MITF: variants seen among roughly 807,000 people sequenced by gnomAD.
MITF encodes the protein microphthalmia-associated transcription factor.
MITF carries 17 observed loss-of-function variants against 60.5 expected under a neutral mutation model. The observed-to-expected ratio is 0.28, with a 90% CI of 0.19 to 0.42. The LOEUF (loss-of-function observed/expected upper bound fraction) is 0.42. Ranked by LOEUF, MITF falls within the 10% of genes least tolerant of loss-of-function variation. The probability of loss-of-function intolerance (pLI) is 1.00; values close to 1 mark genes in which losing one functional copy is unlikely to be tolerated. For synonymous variants in MITF, 260 were observed against 248.5 expected (o/e 1.05, Z -0.43); for missense variants, 622 against 683.5 (o/e 0.91, Z 1.00).
intron 9 of MITF, among the ~76,000 whole-genome samples, 155 bp from the exon 10 acceptor site, chr3:69,964,692 C>T (rs1393086246): frequency 1.3e-5 from 1 of 75,640 alleles, no homozygotes; most frequent in African/African-American, 5.7e-5. Context: ...AAAGTCTATA[C>T]TTTACATTCC....
chr3:69,959,201 G>A (rs1458674538), intron 8 of MITF, 72 bp from the exon 9 acceptor site: 3 of 1,554,570 alleles, frequency 1.9e-6, no homozygotes, highest in Admixed American at 3.6e-5. Flanking sequence ...AAGAAATGGA[G>A]TGCTTTGAAT....
At chr3:69,831,979 G>A (rs919971950) in intron 1 of MITF, among the ~76,000 whole-genome samples, 2 of 152,142 alleles carry the variant, frequency 1.3e-5, no homozygotes, top group African/African-American at 4.8e-5. Context: ...CCAGTCTCCC[G>A]GAGCCGGTGC....
At chr3:69,848,825 C>A (rs554649845) in intron 1 of MITF, among the ~76,000 whole-genome samples, 46 of 152,176 alleles carry the variant, frequency 3.0e-4, no homozygotes, top group Non-Finnish European at 5.9e-4. Context: ...CTATAATTTT[C>A]CCCCCTTCTC....
intron 7 of MITF, among the ~76,000 whole-genome samples, chr3:69,954,530 C>G (rs914451918): frequency 6.6e-6 from 1 of 152,074 alleles, no homozygotes; most frequent in South Asian, 2.1e-4. Flanking sequence ...GTACAGTGTT[C>G]CAGGCAGGTG....
At chr3:69,767,753 A>G (rs1246074423) in intron 1 of MITF, among the ~76,000 whole-genome samples, 2 of 152,180 alleles carry the variant, frequency 1.3e-5, no homozygotes, top group Non-Finnish European at 1.5e-5. Flanking sequence ...GGCCAGCTTC[A>G]TACAGAGGAA....
At chr3:69,741,819 C>T (rs1212985516) in intron 1 of MITF, among the ~76,000 whole-genome samples, 1 of 152,286 alleles carries the variant, frequency 6.6e-6, no homozygotes, top group East Asian at 1.9e-4. Flanking sequence ...GTATTGTCGT[C>T]GACATCTGTT....
intron 1 of MITF, among the ~76,000 whole-genome samples, chr3:69,827,175 C>G (rs965438381): frequency 6.6e-6 from 1 of 152,172 alleles, no homozygotes; most frequent in Non-Finnish European, 1.5e-5. Flanking sequence ...CCAGTACCAC[C>G]ACTGCCAGTT....
At chr3:69,909,258 C>A (rs539970376) in intron 2 of MITF, among the ~76,000 whole-genome samples, 2 of 152,150 alleles carry the variant, frequency 1.3e-5, no homozygotes, top group Admixed American at 1.3e-4. Context: ...CTTGCCACCA[C>A]CATATAAGTG....
chr3:69,908,966 A>T (rs2065160966), intron 2 of MITF, among the ~76,000 whole-genome samples: 1 of 152,128 alleles, frequency 6.6e-6, no homozygotes, highest in Non-Finnish European at 1.5e-5. Context: ...TAGTTATAGG[A>T]TATAGTGATT....
Position 69,874,872 on chromosome 3 carries a change from C to T in MITF, c.105-4262C>T, listed in dbSNP as rs41440046. 1.8e-3 allele frequency among the ~76,000 whole-genome samples: 275 copies of T among 152,184 alleles called. 2 individuals are homozygous for T. The highest frequency in any genetic ancestry group is 6.4e-3 in the African/African-American group (265 of 41,516). ...GATAGAATAAAGTATTGGGATTTAG[C>T]AAAACGTCAGATAGTTCAGAGCCCA... On this transcript the variant is annotated intron_variant, in intron 1 of 9. Coordinates refer to ENST00000352241, the MANE Select transcript of MITF (RefSeq NM_001354604.2).
chr3:69,825,482 T>C (rs2063339488), intron 1 of MITF, among the ~76,000 whole-genome samples: 1 of 152,220 alleles, frequency 6.6e-6, no homozygotes, highest in African/African-American at 2.4e-5. Flanking sequence ...ACAAGGCTGC[T>C]GAGGGGACCT....
intron 9 of MITF, among the ~76,000 whole-genome samples, chr3:69,961,522 T>G (rs2066546037): frequency 6.7e-6 from 1 of 148,342 alleles, no homozygotes; most frequent in Admixed American, 6.8e-5. Context: ...CTGGCCAACA[T>G]GGTGAAACCC....
intron 1 of MITF, among the ~76,000 whole-genome samples, chr3:69,766,221 T>A (rs2062289571): frequency 6.6e-6 from 1 of 151,676 alleles, no homozygotes; most frequent in African/African-American, 2.4e-5. Context: ...TTATCTTTCT[T>A]TTCTTTTCTT....
intron 1 of MITF, among the ~76,000 whole-genome samples, chr3:69,822,239 AAAAC>A (rs1472036012): frequency 1.3e-5 from 2 of 152,200 alleles, no homozygotes; most frequent in African/African-American, 4.8e-5. Flanking sequence ...TAATGTTGAA[AAAAC>A]AAACAGAGAA....
intron 1 of MITF, among the ~76,000 whole-genome samples, chr3:69,830,900 T>C (rs1463807434): frequency 6.6e-6 from 1 of 152,210 alleles, no homozygotes. Flanking sequence ...ATTACAAATA[T>C]TCCCATTATC....
At chr3:69,756,862 A>G (rs776480188) in intron 1 of MITF, among the ~76,000 whole-genome samples, 2 of 152,090 alleles carry the variant, frequency 1.3e-5, no homozygotes, top group Non-Finnish European at 2.9e-5. Flanking sequence ...TGTGGTTTTG[A>G]TTTGAATTTC....
intron 1 of MITF, among the ~76,000 whole-genome samples, chr3:69,867,681 C>T (rs1298544669): frequency 6.6e-6 from 1 of 150,554 alleles, no homozygotes; most frequent in Non-Finnish European, 1.5e-5. Context: ...TCATTCTCTA[C>T]AAAAATATAC....
At chr3:69,760,244 A>G (rs1356355083) in intron 1 of MITF, among the ~76,000 whole-genome samples, 1 of 152,212 alleles carries the variant, frequency 6.6e-6, no homozygotes, top group African/African-American at 2.4e-5. Flanking sequence ...GGAAAAGACC[A>G]CAGAGAGATT....
At chr3:69,958,623 G>A (rs1375229579) in intron 8 of MITF, among the ~76,000 whole-genome samples, 2 of 151,256 alleles carry the variant, frequency 1.3e-5, no homozygotes, top group Non-Finnish European at 2.9e-5. Flanking sequence ...AAACAATTTA[G>A]TAGTGAGATC....
Sources: gnomAD v4.1 joint callset for allele counts (sites outside exome capture counted in the v4.1 genomes callset) on GRCh38, gnomAD v4.1.1 for gene constraint, MANE v1.5 for transcripts, NCBI Gene and HGNC (gene_info 2026-07-23, HGNC 2026-07-21) for gene names.